The following RPTOR variants were observed in gnomAD, a reference collection of about 807,000 sequenced individuals.
RPTOR encodes regulatory-associated protein of mTOR.
RPTOR carries 21 observed loss-of-function variants against 169.9 expected under a neutral mutation model. The ratio of observed to expected loss-of-function variants is 0.12; its 90% CI spans 0.09 to 0.18. The LOEUF (loss-of-function observed/expected upper bound fraction) is 0.18, where lower values mean the gene tolerates loss of function less well. RPTOR is among the 10% of genes least tolerant of loss of function. RPTOR has a pLI of 1.00. For missense variants in RPTOR, 1,133 were observed against 1,855.9 expected (o/e 0.61, Z 7.16); for synonymous variants, 732 against 753.2 (o/e 0.97, Z 0.46).
At chr17:80,873,064 A>G (rs1300876922) in intron 13 of RPTOR, among the ~76,000 whole-genome samples, 1 of 151,978 alleles carries the variant, frequency 6.6e-6, no homozygotes, top group African/African-American at 2.4e-5. Context: ...CTCTTTCGCT[A>G]CTGTATTTCC....
intron 7 of RPTOR, among the ~76,000 whole-genome samples, chr17:80,811,236 A>C (rs970400266): frequency 2.0e-5 from 3 of 152,184 alleles, no homozygotes; most frequent in African/African-American, 7.2e-5. Flanking sequence ...ATAGATACCC[A>C]TTATCAGGTT....
At chr17:80,744,385 T>C (rs113234493) in intron 5 of RPTOR, among the ~76,000 whole-genome samples, 288 of 2,432 alleles carry the variant, frequency 0.12, 32 homozygotes, top group East Asian at 0.25. Flanking sequence ...ACAGCCCTGG[T>C]TACGAGCACT....
At chr17:80,872,661 G>T (rs1234854197) in intron 13 of RPTOR, among the ~76,000 whole-genome samples, 1 of 152,224 alleles carries the variant, frequency 6.6e-6, no homozygotes, top group Non-Finnish European at 1.5e-5. Flanking sequence ...ACAAAAGAGA[G>T]AGGAACCCGG....
At chr17:80,625,614 C>A in intron 1 of RPTOR, 77 bp from the exon 2 acceptor site, 1 of 1,150,182 alleles carries the variant, frequency 8.7e-7, no homozygotes, top group Non-Finnish European at 1.3e-6. Flanking sequence ...TTCTGGGGGA[C>A]ATTTTAAAAG....
rs1236513933 is a variant in RPTOR at position 80,699,072 on chromosome 17, G to T, written c.349-8769G>T. Among the ~76,000 whole-genome samples, 6 of 152,324 alleles carry T rather than the reference G, an allele frequency of 3.9e-5. No individual in the cohort carries two copies. In the East Asian group the frequency reaches 1.2e-3, roughly 29 times the overall value. ...AAGGAAAGTGGGTGTTGGAGCAAAA[G>T]CCTTGCTTCACTGCTGTACTCCAAC... is the stretch of plus-strand genomic sequence containing the variant. On this transcript the variant is annotated intron_variant, in intron 3 of 33. Transcript: ENST00000306801.
Position 80,803,931 on chromosome 17 carries a change from G to A in RPTOR, c.890+12422G>A, listed in dbSNP as rs1022714322. On this transcript the variant is annotated intron_variant, in intron 7 of 33. Coordinates refer to ENST00000306801, the MANE Select transcript of RPTOR (RefSeq NM_020761.3). This position sits in a 1 kb window ranked among gnomAD's most constrained non-coding sequence, Gnocchi z 6.2. Reference sequence around the variant, plus strand: ...CGGGACCAGGGGCAGCGTTCCAGACGGGGAGCCCCACAGCCTCTGAGCCAG... The same window carrying A: ...CGGGACCAGGGGCAGCGTTCCAGACAGGGAGCCCCACAGCCTCTGAGCCAG... Among the ~76,000 whole-genome samples the A allele has an allele frequency of 2.0e-5, 3 of 152,230 alleles. No individual in the cohort carries two copies. The highest frequency in any genetic ancestry group is 2.9e-5 in the Non-Finnish European group (2 of 68,044).
chr17:80,597,683 TG>T lies in RPTOR; in HGVS notation c.163-28007del, dbSNP rs200647718. On this transcript the variant is annotated intron_variant, in intron 1 of 33. Transcript: ENST00000306801. ...GTACCTTCACACCCAGCTAATTTTT[TG>T]TTTATTTTTTGTAGAGACAAGGTCT... 6.6e-5 allele frequency among the ~76,000 whole-genome samples: 10 copies of T among 151,402 alleles called. No homozygotes were observed. The East Asian group carries it at 1.9e-3, about 29-fold the overall frequency.
chr17:80,661,661 A>G (rs2065725062), intron 3 of RPTOR, among the ~76,000 whole-genome samples: 1 of 152,098 alleles, frequency 6.6e-6, no homozygotes, highest in African/African-American at 2.4e-5. Flanking sequence ...GTTTCTTCTT[A>G]GAGCTTCTGT....
At chr17:80,744,992 C>T (rs1333327630) in intron 5 of RPTOR, among the ~76,000 whole-genome samples, 1 of 152,154 alleles carries the variant, frequency 6.6e-6, no homozygotes, top group Non-Finnish European at 1.5e-5. Context: ...CTAGCACAGC[C>T]TTGGTTACTA....
intron 3 of RPTOR, among the ~76,000 whole-genome samples, chr17:80,686,037 G>A (rs1201333846): frequency 6.6e-6 from 1 of 152,072 alleles, no homozygotes; most frequent in Non-Finnish European, 1.5e-5. Flanking sequence ...GACCCATCTG[G>A]TGCTGTTCAT....
intron 21 of RPTOR, among the ~76,000 whole-genome samples, chr17:80,912,221 C>A (rs758141078): frequency 1.9e-4 from 29 of 152,206 alleles, no homozygotes; most frequent in Non-Finnish European, 4.1e-4. Flanking sequence ...GCTGGCAGTT[C>A]TCTGACACAC....
At chr17:80,558,054 C>T (rs1372249898) in intron 1 of RPTOR, among the ~76,000 whole-genome samples, 2 of 152,046 alleles carry the variant, frequency 1.3e-5, no homozygotes, top group Admixed American at 1.3e-4. Context: ...CATCCCAGCA[C>T]TTTGGGAGGC....
intron 13 of RPTOR, among the ~76,000 whole-genome samples, chr17:80,877,322 T>G (rs925173727): frequency 6.6e-6 from 1 of 152,156 alleles, no homozygotes; most frequent in East Asian, 1.9e-4. Context: ...AATGTGTGTA[T>G]TAAACAGATA....
At chr17:80,615,634 T>C (rs2065303945) in intron 1 of RPTOR, among the ~76,000 whole-genome samples, 1 of 152,196 alleles carries the variant, frequency 6.6e-6, no homozygotes, top group African/African-American at 2.4e-5. Flanking sequence ...TAGCAGCACA[T>C]GCTGTTACCT....
intron 5 of RPTOR, among the ~76,000 whole-genome samples, chr17:80,750,210 C>T (rs2066617625): frequency 6.6e-6 from 1 of 152,210 alleles, no homozygotes; most frequent in African/African-American, 2.4e-5. Context: ...TATATTTCTG[C>T]TATATACATG....
intron 17 of RPTOR, among the ~76,000 whole-genome samples, chr17:80,886,519 G>A (rs1188329864): frequency 6.6e-6 from 1 of 152,186 alleles, no homozygotes; most frequent in Non-Finnish European, 1.5e-5. Flanking sequence ...GCAAATCAGC[G>A]GTTTGTCTGC....
chr17:80,854,106 G>GA (rs2067826331), intron 11 of RPTOR, among the ~76,000 whole-genome samples: 1 of 152,174 alleles, frequency 6.6e-6, no homozygotes, highest in South Asian at 2.1e-4. Flanking sequence ...TTTTGAAGTA[G>GA]AAAACTAAAC....
chr17:80,965,051 C>A lies in RPTOR; in HGVS notation c.*721C>A. 4.3e-6 allele frequency: 1 copy of A among 233,394 alleles called. No individual in the cohort carries two copies. The highest frequency in any genetic ancestry group is 8.5e-6 in the Non-Finnish European group (1 of 118,086). 14.5% of individuals were successfully genotyped at this position (233,394 alleles called of 1,614,324 possible). ...CAGTTTTGGCCCCTCTCACACAGAG[C>A]TGTCAGCAGGGGCCGCTGTGGCGGT... is the stretch of plus-strand genomic sequence containing the variant. On this transcript the variant is annotated 3_prime_UTR_variant, in exon 34 of 34. Coordinates refer to ENST00000306801, the MANE Select transcript of RPTOR (RefSeq NM_020761.3).
rs148327489 is a variant in RPTOR at position 80,754,214 on chromosome 17, C to T, written c.830+29C>T. On this transcript the variant is annotated intron_variant, in intron 6 of 33. Coordinates refer to ENST00000306801, the MANE Select transcript of RPTOR (RefSeq NM_020761.3). The surrounding 1 kb of genome is among the most constrained non-coding windows in gnomAD (Gnocchi z 4.2). ...AGTGGCCCCTGCTGTGCCCCTGGGA[C>T]CCACTCAACTGGGCTCTCCCGCAGG... 749 of 1,564,000 alleles carry T rather than the reference C, an allele frequency of 4.8e-4. 6 individuals are homozygous for T. The African/African-American group carries it at 8.5e-3, about 18-fold the overall frequency.
Sources: allele counts gnomAD v4.1 joint callset (sites outside exome capture counted in the v4.1 genomes callset), GRCh38; gene constraint gnomAD v4.1.1; non-coding constraint Gnocchi (gnomAD v3.1); transcripts MANE v1.5; gene names NCBI Gene and HGNC (gene_info 2026-07-23, HGNC 2026-07-21).